Variants in HIP1 observed in about 807,000 individuals in gnomAD.
The protein encoded by HIP1 is huntingtin interacting protein 1, also known as huntingtin-interacting protein 1.
A neutral mutation model predicts 147.6 loss-of-function variants in HIP1; 65 were observed. That is an observed-to-expected ratio of 0.44 (90% CI 0.36 to 0.54). The LOEUF is 0.54. Among genes scored for constraint, HIP1 ranks in the 20% least tolerant of loss-of-function variants. The pLI is 0.00. For missense variants in HIP1, 1,061 were observed against 1,299.6 expected (o/e 0.82, Z 2.82); for synonymous variants, 479 against 504.0 (o/e 0.95, Z 0.67).
At chr7:75,714,074 C>T (rs2117358924) in intron 1 of HIP1, among the ~76,000 whole-genome samples, 1 of 150,254 alleles carries the variant, frequency 6.7e-6, no homozygotes, top group South Asian at 2.1e-4. Flanking sequence ...GAGTCTCACT[C>T]TTTCATCTAG....
chr7:75,547,666 C>T (rs1794621275), intron 24 of HIP1, 89 bp downstream of exon 24: 2 of 1,106,220 alleles, frequency 1.8e-6, no homozygotes, highest in Non-Finnish European at 2.8e-6. Context: ...CTGCTCTCCT[C>T]TAATTCCCTA....
chr7:75,684,348 T>G (rs1554517310), intron 1 of HIP1, among the ~76,000 whole-genome samples: 1 of 147,362 alleles, frequency 6.8e-6, no homozygotes, highest in African/African-American at 2.5e-5. Flanking sequence ...CAGGGGAGGC[T>G]GAGGCAGGAG....
In HIP1 at chr7:75,557,686, A is replaced by G. The variant is rs1795069421; in HGVS notation, c.1549T>C (p.Leu517=). 2 of 1,613,846 alleles carry G rather than the reference A, an allele frequency of 1.2e-6. No individual in the cohort carries two copies. The highest frequency in any genetic ancestry group is 1.7e-5 in the Admixed American group (1 of 59,978). The change falls in exon 16 of 31, where the codon TTG becomes CTG. Residue 517 remains leucine, a synonymous_variant. Transcript: ENST00000336926. Reference sequence around the variant, plus strand: ...TGGCCCTGGTCACTGATGCGCTCCAACGAATCCTCCAGCTCTTTTTTCTCT... The same window carrying G: ...TGGCCCTGGTCACTGATGCGCTCCAGCGAATCCTCCAGCTCTTTTTTCTCT... The part of the protein sequence containing the change: ...EREKKELEDS[L]ERISDQGQRK...
intron 7 of HIP1, among the ~76,000 whole-genome samples, chr7:75,575,602 A>G (rs1403593331): frequency 1.3e-5 from 2 of 152,148 alleles, no homozygotes; most frequent in Non-Finnish European, 2.9e-5. Flanking sequence ...CACCCTCTTG[A>G]GTTTCAGAGA....
chr7:75,543,162 C>T (rs1244061197), intron 27 of HIP1, among the ~76,000 whole-genome samples, 188 bp from the exon 28 acceptor site: 1 of 152,152 alleles, frequency 6.6e-6, no homozygotes, highest in Non-Finnish European at 1.5e-5. Flanking sequence ...TTCCTGGCTT[C>T]TTTGCTTGGT....
intron 22 of HIP1, among the ~76,000 whole-genome samples, chr7:75,550,643 C>T (rs1554491931): frequency 6.6e-6 from 1 of 152,154 alleles, no homozygotes; most frequent in East Asian, 1.9e-4. Context: ...AAACTCCTGG[C>T]CTCAAGTGAT....
At chr7:75,577,332 C>CAAAAAAAAAAAAAAAAAA (rs61299057) in intron 7 of HIP1, among the ~76,000 whole-genome samples, 5 of 96,904 alleles carry the variant, frequency 5.2e-5, no homozygotes, top group African/African-American at 1.5e-4. Flanking sequence ...ATCCCATCTC[C>CAAAAAAAAAAAAAAAAAA]AAAAAAAAAA....
chr7:75,664,080 A>ATGTATG (rs1799442694), intron 1 of HIP1, among the ~76,000 whole-genome samples: 2 of 114,048 alleles, frequency 1.8e-5, no homozygotes, highest in Admixed American at 8.7e-5. Flanking sequence ...ATATACACAC[A>ATGTATG]CATATACACA....
At position 75,556,137 on chromosome 7, in the gene HIP1, C is replaced by T. The variant is rs1554493253; in HGVS notation, c.1716G>A (p.Glu572=). 3 of 1,614,034 alleles carry T rather than the reference C, an allele frequency of 1.9e-6. No homozygotes were observed. The highest frequency in any genetic ancestry group is 2.2e-5 in the East Asian group (1 of 44,886). ...CCAGGCTGTCCCGCTCCTTCTCTAG[C>T]TCGGCGAACTCGGCTGCCCAGTTTG... The part of the protein sequence containing the change: ...SEANWAAEFA[E]LEKERDSLVS... The change falls in exon 18 of 31, where the codon GAG becomes GAA. Residue 572 remains glutamate, a synonymous_variant. Coordinates refer to ENST00000336926, the MANE Select transcript of HIP1 (RefSeq NM_005338.7).
intron 1 of HIP1, among the ~76,000 whole-genome samples, chr7:75,652,874 C>T (rs1413992697): frequency 6.6e-6 from 1 of 152,104 alleles, no homozygotes; most frequent in Non-Finnish European, 1.5e-5. Context: ...ACTTACTTCT[C>T]CCCCTGTGAA....
intron 25 of HIP1, among the ~76,000 whole-genome samples, chr7:75,545,871 G>A (rs1554490917): frequency 1.3e-5 from 2 of 152,118 alleles, no homozygotes; most frequent in African/African-American, 4.8e-5. Context: ...AACCCAGGAG[G>A]CAGAGGTTGC....
intron 1 of HIP1, among the ~76,000 whole-genome samples, chr7:75,663,018 T>C (rs1414208908): frequency 1.3e-5 from 2 of 152,216 alleles, no homozygotes; most frequent in East Asian, 3.9e-4. Context: ...CATGAACTGC[T>C]GCAAGCCACA....
At chr7:75,658,369 C>T (rs1799206503) in intron 1 of HIP1, among the ~76,000 whole-genome samples, 1 of 151,340 alleles carries the variant, frequency 6.6e-6, no homozygotes, top group Admixed American at 6.6e-5. Flanking sequence ...GGATTACAGG[C>T]GTGAGCCACT....
intron 4 of HIP1, among the ~76,000 whole-genome samples, chr7:75,589,717 A>C (rs782376018): frequency 0.025 from 1,189 of 47,938 alleles, 50 homozygotes; most frequent in Middle Eastern, 0.049. Context: ...AAAAAAAAAG[A>C]CTTTTTTTTT....
chr7:75,607,977 A>G (rs6948053), intron 1 of HIP1, among the ~76,000 whole-genome samples: 21,823 of 152,130 alleles, frequency 0.14, 3,094 homozygotes, highest in African/African-American at 0.37. Context: ...CACTGGCACA[A>G]GGGAGCCGTG....
chr7:75,704,600 C>T (rs1242661828), intron 1 of HIP1, among the ~76,000 whole-genome samples: 1 of 150,590 alleles, frequency 6.6e-6, no homozygotes, highest in East Asian at 2.0e-4. Context: ...TTGTTTGAGA[C>T]GGAGTCTCAC....
In HIP1 at chr7:75,558,153, G is replaced by A; in HGVS notation, c.1464+14C>T. On this transcript the variant is annotated intron_variant, in intron 15 of 30. Coordinates refer to ENST00000336926, the MANE Select transcript of HIP1 (RefSeq NM_005338.7). Reference sequence around the variant, plus strand: ...CAGGGCCTGCAGGATGGTGACAGGGGCTGAGGGTCTTACCTTCCGCAGCAG... The same window carrying A: ...CAGGGCCTGCAGGATGGTGACAGGGACTGAGGGTCTTACCTTCCGCAGCAG... 2 of 1,608,598 alleles carry A rather than the reference G, an allele frequency of 1.2e-6. No homozygotes were observed.
At chr7:75,557,932 G>A (rs1030212054) in intron 15 of HIP1, among the ~76,000 whole-genome samples, 162 bp from the exon 16 acceptor site, 10 of 152,200 alleles carry the variant, frequency 6.6e-5, no homozygotes, top group Non-Finnish European at 8.8e-5. Flanking sequence ...GATGCTTGAT[G>A]CTCAAATATT....
intron 1 of HIP1, among the ~76,000 whole-genome samples, chr7:75,712,821 T>A (rs1801200695): frequency 6.6e-6 from 1 of 152,050 alleles, no homozygotes; most frequent in Non-Finnish European, 1.5e-5. Flanking sequence ...CATTTACTCA[T>A]GCATTCAGTC....
Sources: allele counts gnomAD v4.1 joint callset (sites outside exome capture counted in the v4.1 genomes callset), GRCh38; gene constraint gnomAD v4.1.1; transcripts MANE v1.5; gene names NCBI Gene and HGNC (gene_info 2026-07-23, HGNC 2026-07-21).